Variants in NLRP14 observed in about 807,000 individuals in gnomAD.
NLRP14 encodes NLR family pyrin domain containing 14.
NLRP14 carries 105 observed loss-of-function variants against 94.7 expected under a neutral mutation model. That is an observed-to-expected ratio of 1.11 (90% CI 0.95 to 1.30). The LOEUF is 1.30. Ranked by LOEUF, NLRP14 falls within the 50% of genes most tolerant of loss-of-function variation. NLRP14 has a pLI of 0.00. For synonymous variants in NLRP14, 508 were observed against 459.9 expected, an observed-to-expected ratio of 1.10 and a Z score of -1.34; for missense variants, 1,362 against 1,254.1, an observed-to-expected ratio of 1.09 and a Z score of -1.30.
At position 7,046,667 on chromosome 11, in the gene NLRP14, G is replaced by A. The variant is rs772088352; in HGVS notation, c.1959-1G>A. The A allele has an allele frequency of 6.2e-7, 1 of 1,612,672 alleles. No homozygotes were observed. Among genetic ancestry groups the A allele is most frequent in the Non-Finnish European group, 8.5e-7 (1 of 1,178,678 alleles). On this transcript the variant is annotated splice_acceptor_variant, in intron 4 of 11. Coordinates refer to ENST00000299481, the MANE Select transcript of NLRP14 (RefSeq NM_176822.4). LOFTEE classifies it high-confidence loss of function. ...TTCTTTTCTCAATTATTTATGCAAAGGGATGGTGATCGCATTACTCACTGT... is the reference window on the plus strand; with the variant it reads ...TTCTTTTCTCAATTATTTATGCAAAAGGATGGTGATCGCATTACTCACTGT...
In NLRP14 at chr11:7,060,067, A is replaced by T. The variant is rs753045292; in HGVS notation, c.2804+3A>T. 15 of 1,611,622 alleles carry T rather than the reference A, an allele frequency of 9.3e-6. No individual in the cohort carries two copies. In the South Asian group the frequency reaches 1.6e-4, roughly 18 times the overall value. On this transcript the variant is annotated splice_donor_region_variant and intron_variant, in intron 9 of 11. Transcript: ENST00000299481. ...AGCTGTAATCTTCAGGACTTGGAGT[A>T]GGTTTTCTGTTGCTTTACTTTTGTG...
At chr11:7,054,840 G>T (rs1852496360) in intron 6 of NLRP14, among the ~76,000 whole-genome samples, 1 of 152,048 alleles carries the variant, frequency 6.6e-6, no homozygotes, top group African/African-American at 2.4e-5. Context: ...TGCTTTGGTT[G>T]CCTATGCTTG....
chr11:7,076,044 A>G (rs1029992182), downstream of NLRP14, among the ~76,000 whole-genome samples: 1 of 152,176 alleles, frequency 6.6e-6, no homozygotes, highest in Non-Finnish European at 1.5e-5. Context: ...ATATGAACCT[A>G]AATTTTGGGG....
At chr11:7,075,250 A>G (rs140595301), downstream of NLRP14, among the ~76,000 whole-genome samples, 780 of 152,334 alleles carry the variant, frequency 5.1e-3, 3 homozygotes, top group African/African-American at 0.012. Flanking sequence ...TAATAGCACT[A>G]TCACGAAATT....
chr11:7,084,297 T>C, the NLRP14 span, among the ~76,000 whole-genome samples: 348 of 152,318 alleles, frequency 2.3e-3, no homozygotes, highest in African/African-American at 8.1e-3. Flanking sequence ...GTTTTGTTTC[T>C]GCTCGCAGTT....
At chr11:7,037,671 C>A (rs147776249) in intron 1 of NLRP14, among the ~76,000 whole-genome samples, 67 of 152,236 alleles carry the variant, frequency 4.4e-4, no homozygotes, top group Non-Finnish European at 9.0e-4. Context: ...AAACGCAGGG[C>A]TCAAAAGGAT....
intron 6 of NLRP14, 124 bp downstream of exon 6, chr11:7,049,962 G>A: frequency 1.2e-6 from 1 of 819,506 alleles, no homozygotes; most frequent in African/African-American, 1.7e-5. Flanking sequence ...TCATGATATG[G>A]GGTAGCAAGC....
chr11:7,032,474 G>A (rs1048840355), intron 1 of NLRP14, among the ~76,000 whole-genome samples: 1 of 152,036 alleles, frequency 6.6e-6, no homozygotes, highest in Admixed American at 6.6e-5. Flanking sequence ...TCCCAAAGAA[G>A]ATACTGTTTG....
At chr11:7,048,826 G>A (rs1852398214) in intron 5 of NLRP14, among the ~76,000 whole-genome samples, 1 of 152,254 alleles carries the variant, frequency 6.6e-6, no homozygotes, top group South Asian at 2.1e-4. Context: ...ACACCATGAT[G>A]ACTGTTCTCA....
At chr11:7,030,954 C>G (rs985919807) in intron 1 of NLRP14, among the ~76,000 whole-genome samples, 4 of 152,164 alleles carry the variant, frequency 2.6e-5, no homozygotes, top group South Asian at 2.1e-4. Context: ...AGCATAGAGG[C>G]GGAGAGTGGG....
intron 10 of NLRP14, among the ~76,000 whole-genome samples, chr11:7,067,920 C>A (rs926162332): frequency 6.6e-4 from 101 of 152,102 alleles, no homozygotes; most frequent in African/African-American, 2.3e-3. Context: ...AGCTGTCTAA[C>A]CTGGAGTTTC....
At chr11:7,029,540 C>G (rs992801628) in intron 1 of NLRP14, among the ~76,000 whole-genome samples, 4 of 152,166 alleles carry the variant, frequency 2.6e-5, no homozygotes, top group Non-Finnish European at 5.9e-5. Context: ...GCTCAGCAAA[C>G]CTGTGGGCAC....
chr11:7,052,124 G>T (rs1200654328), intron 6 of NLRP14, among the ~76,000 whole-genome samples: 1 of 152,116 alleles, frequency 6.6e-6, no homozygotes, highest in Non-Finnish European at 1.5e-5. Flanking sequence ...AGAAACCTTG[G>T]CATAGTCCAA....
At chr11:7,086,957 A>G in the NLRP14 span, among the ~76,000 whole-genome samples, 2 of 152,228 alleles carry the variant, frequency 1.3e-5, no homozygotes, top group Non-Finnish European at 2.9e-5. Context: ...GACACTAAAT[A>G]TAATGTCTTA....
intron 3 of NLRP14, 39 bp downstream of exon 3, chr11:7,039,824 C>A: frequency 6.7e-7 from 1 of 1,491,954 alleles, no homozygotes; most frequent in Non-Finnish European, 9.4e-7. Flanking sequence ...GGGAGGCATT[C>A]AAAGTTTTGA....
rs1286802654 is a variant in NLRP14 at position 7,062,442 on chromosome 11, G to A, written c.2914G>A (p.Asp972Asn). The change falls in exon 10 of 12, where the codon GAT (aspartate) becomes AAT (asparagine). Residue 972 changes from aspartate (D) to asparagine (N), a missense_variant. By Grantham distance (23) the Asp-to-Asn change is conservative. Coordinates refer to ENST00000299481, the MANE Select transcript of NLRP14 (RefSeq NM_176822.4). ...CCTTGGGAACAACGATTTGCAGGAT[G>A]ATGGAGTGAAAATTCTGTGTGATGC... Reference protein sequence around the residue: ...LDLGNNDLQDDGVKILCDALR... With the variant: ...LDLGNNDLQDNGVKILCDALR... The A allele has an allele frequency of 5.6e-6, 9 of 1,613,148 alleles. No homozygotes were observed. Among genetic ancestry groups the A allele is most frequent in the South Asian group, 1.1e-5 (1 of 91,078 alleles).
At chr11:7,038,309 A>G (rs140572793) in intron 1 of NLRP14, among the ~76,000 whole-genome samples, 20 of 152,340 alleles carry the variant, frequency 1.3e-4, no homozygotes, top group South Asian at 4.1e-4. Context: ...CTTTATTTAT[A>G]TAGCTCATAA....
At chr11:7,034,828 A>G (rs945941688) in intron 1 of NLRP14, among the ~76,000 whole-genome samples, 1 of 152,212 alleles carries the variant, frequency 6.6e-6, no homozygotes, top group Non-Finnish European at 1.5e-5. Flanking sequence ...TTATGAGGAT[A>G]CTAATTAATT....
At chr11:7,066,213 G>A (rs1349277718) in intron 10 of NLRP14, among the ~76,000 whole-genome samples, 1 of 152,016 alleles carries the variant, frequency 6.6e-6, no homozygotes, top group Non-Finnish European at 1.5e-5. Context: ...TTATCCTTTG[G>A]GTGTATACCC....
Sources: allele counts gnomAD v4.1 joint callset (sites outside exome capture counted in the v4.1 genomes callset), GRCh38; gene constraint gnomAD v4.1.1; transcripts MANE v1.5; gene names NCBI Gene and HGNC (gene_info 2026-07-23, HGNC 2026-07-21).